SCML2: variants seen among roughly 807,000 people sequenced by gnomAD.
SCML2 encodes Scm polycomb group protein like 2.
In SCML2, 6 loss-of-function variants were observed where a neutral mutation model predicts 48.4. The ratio of observed to expected loss-of-function variants is 0.12; its 90% CI spans 0.07 to 0.24. The LOEUF is 0.24. Among genes scored for constraint, SCML2 ranks in the 10% least tolerant of loss-of-function variants. The pLI is 1.00. For missense variants in SCML2, 377 were observed against 528.2 expected (o/e 0.71, Z 2.81); for synonymous variants, 181 against 189.5 (o/e 0.95, Z 0.37).
chrX:18,307,347 G>GTATT (rs1409966183), intron 6 of SCML2, among the ~76,000 whole-genome samples: 1 of 111,478 alleles, frequency 9.0e-6, no homozygotes, highest in Non-Finnish European at 1.9e-5. Flanking sequence ...AAAGATCAAA[G>GTATT]TATTTGATAA....
At chrX:18,353,046 A>AG (rs1930421896) in intron 1 of SCML2, among the ~76,000 whole-genome samples, 1 of 109,979 alleles carries the variant, frequency 9.1e-6, no homozygotes, top group Non-Finnish European at 1.9e-5. Flanking sequence ...ACAAGGCATC[A>AG]GGTGAATACT....
chrX:18,297,038 C>T (rs754561173), intron 7 of SCML2, among the ~76,000 whole-genome samples: 5 of 111,375 alleles, frequency 4.5e-5, no homozygotes, highest in Non-Finnish European at 9.4e-5. Flanking sequence ...ACATAATACA[C>T]CAAGATCAAG....
At chrX:18,312,521 T>C in intron 6 of SCML2, among the ~76,000 whole-genome samples, 1 of 111,570 alleles carries the variant, frequency 9.0e-6, no homozygotes, top group Non-Finnish European at 1.9e-5. Flanking sequence ...TACTATTTTT[T>C]ACTGTATTTT....
At chrX:18,341,163 C>T (rs1373789561) in intron 1 of SCML2, 2 of 324,838 alleles carry the variant, frequency 6.2e-6, no homozygotes, top group African/African-American at 2.7e-5. Flanking sequence ...GAGCACTGGT[C>T]CCCAGCCCCA....
chrX:18,246,607 C>G lies in SCML2; in HGVS notation c.1792G>C (p.Val598Leu), dbSNP rs1470613103. Residue 598 changes from valine to leucine, a missense_variant, in exon 13 of 15, where the codon GTT (valine) becomes CTT (leucine). This residue lies in a region of SCML2 where 299 missense variants were observed against 425.5 expected (regional missense o/e 0.70). Coordinates refer to ENST00000251900, the MANE Select transcript of SCML2 (RefSeq NM_006089.3). The part of the protein sequence containing the change: ...DISPKSSPHE[V>L]KFQMQRKSEA... ...CTTTTCCTCTGCATTTGGAATTTAA[C>G]TTCATGGGGACTGCTCTTGGGGGAT... 7.5e-6 allele frequency: 9 copies of G among 1,201,341 alleles called. No individual in the cohort carries two copies. Among genetic ancestry groups the G allele is most frequent in the African/African-American group, 1.8e-5 (1 of 56,993 alleles).
chrX:18,275,709 T>C (rs2147492828), intron 7 of SCML2, among the ~76,000 whole-genome samples: 1 of 112,616 alleles, frequency 8.9e-6, no homozygotes, highest in African/African-American at 3.2e-5. Context: ...GTCTCTGATC[T>C]TATGTTCTCA....
At chrX:18,253,374 T>C (rs1242986691) in intron 11 of SCML2, among the ~76,000 whole-genome samples, 2 of 111,569 alleles carry the variant, frequency 1.8e-5, no homozygotes, top group African/African-American at 6.5e-5. Flanking sequence ...TACAAAAAAA[T>C]AGTGGTAAAC....
At chrX:18,258,983 G>A (rs1473881987) in intron 9 of SCML2, among the ~76,000 whole-genome samples, 1 of 111,281 alleles carries the variant, frequency 9.0e-6, no homozygotes, top group Non-Finnish European at 1.9e-5. Flanking sequence ...CATGAGGGAA[G>A]CTGGGCGCAG....
chrX:18,349,073 T>C (rs1930290748), intron 1 of SCML2, among the ~76,000 whole-genome samples: 1 of 112,350 alleles, frequency 8.9e-6, no homozygotes, highest in Non-Finnish European at 1.9e-5. Context: ...AAAAATCAAA[T>C]GTGTATTCTA....
intron 7 of SCML2, among the ~76,000 whole-genome samples, chrX:18,285,155 C>T (rs1469658552): frequency 9.0e-6 from 1 of 110,864 alleles, no homozygotes; most frequent in East Asian, 2.8e-4. Context: ...TTGGAGATTC[C>T]TCAAAGAACT....
At chrX:18,304,870 C>A in intron 7 of SCML2, 102 bp downstream of exon 7, 1 of 950,445 alleles carries the variant, frequency 1.1e-6, no homozygotes, top group Non-Finnish European at 1.5e-6. Context: ...CCAGTTGGGG[C>A]ATGTACCACC....
At chrX:18,256,249 C>G (rs1274970541) in intron 11 of SCML2, among the ~76,000 whole-genome samples, 4 of 111,203 alleles carry the variant, frequency 3.6e-5, no homozygotes, top group Non-Finnish European at 7.5e-5. Context: ...GTCAGGAGTT[C>G]AAGACCACCC....
At chrX:18,241,454 T>C in intron 14 of SCML2, 75 bp from the exon 15 acceptor site, 1 of 763,111 alleles carries the variant, frequency 1.3e-6, no homozygotes, top group Non-Finnish European at 1.8e-6. Flanking sequence ...ACATGTAAAA[T>C]ACAGCAGCTG....
Position 18,300,790 on chromosome X carries a change from C to CA in SCML2, c.730+4181dup, listed in dbSNP as rs752686386. ...TGGGCAATGGAGCAAGACTCCGTTT[C>CA]AAAAAAAAAAAAAGAAAAAAAAAAT... On this transcript the variant is annotated intron_variant, in intron 7 of 14. Transcript: ENST00000251900. Among the ~76,000 whole-genome samples, 360 of 58,908 alleles carry CA rather than the reference C, an allele frequency of 6.1e-3. 1 individual carries two copies. Among genetic ancestry groups the CA allele is most frequent in the African/African-American group, 0.018 (284 of 15,540 alleles). The allele number at this position is 58,908 out of a possible 115,157, so 51.2% of individuals were successfully genotyped here.
At chrX:18,256,565 C>T (rs973813955) in intron 11 of SCML2, among the ~76,000 whole-genome samples, 1 of 111,951 alleles carries the variant, frequency 8.9e-6, no homozygotes, top group East Asian at 2.8e-4. Context: ...TTATAAAAGT[C>T]AGTAACTTTA....
rs754522718 is a variant in SCML2 at position 18,258,266 on chromosome X, T to G, written c.1070-19A>C. ...ACACAGACTTGAGAAAAAATGCGTA[T>G]GCATACATAACAATGAGACTGATTA... On this transcript the variant is annotated intron_variant, in intron 9 of 14. Coordinates refer to ENST00000251900, the MANE Select transcript of SCML2 (RefSeq NM_006089.3). 8.6e-7 allele frequency: 1 copy of G among 1,158,344 alleles called. No individual in the cohort carries two copies. The highest frequency in any genetic ancestry group is 3.0e-5 in the East Asian group (1 of 33,593).
At chrX:18,354,183 A>G (rs781081763) in intron 1 of SCML2, among the ~76,000 whole-genome samples, 1 of 113,084 alleles carries the variant, frequency 8.8e-6, no homozygotes, top group South Asian at 3.6e-4. Flanking sequence ...CAGACCAGGC[A>G]AAGTCTACCT....
chrX:18,338,981 T>C (rs1418705176), intron 1 of SCML2, among the ~76,000 whole-genome samples: 1 of 107,188 alleles, frequency 9.3e-6, no homozygotes, highest in East Asian at 2.9e-4. Flanking sequence ...GCATAGTATC[T>C]CAAACAAGTA....
intron 3 of SCML2, among the ~76,000 whole-genome samples, chrX:18,327,550 T>G (rs896796697): frequency 1.8e-5 from 2 of 112,002 alleles, no homozygotes; most frequent in African/African-American, 6.5e-5. Context: ...TTCAGTAATA[T>G]TAGAAAATAC....
Sources: gnomAD v4.1 joint callset for allele counts (sites outside exome capture counted in the v4.1 genomes callset) on GRCh38, gnomAD v4.1.1 for gene constraint, gnomAD v4.1.1 regional missense constraint, MANE v1.5 for transcripts, NCBI Gene and HGNC (gene_info 2026-07-23, HGNC 2026-07-21) for gene names.